The following UPP2 variants were observed in gnomAD, a reference collection of about 807,000 sequenced individuals.
UPP2 encodes uridine phosphorylase 2, also known as UPase 2.
Under a neutral mutation model 26.7 loss-of-function variants are expected in UPP2, and 23 were observed. That is an observed-to-expected ratio of 0.86 (90% CI 0.62 to 1.22). UPP2 has a LOEUF of 1.22. Ranked by LOEUF, UPP2 falls within the 50% of genes most tolerant of loss-of-function variation. The probability of loss-of-function intolerance (pLI) is 0.00; values close to 1 mark genes in which losing one functional copy is unlikely to be tolerated. For missense variants in UPP2, 387 were observed against 396.7 expected (o/e 0.98, Z 0.21); for synonymous variants, 127 against 141.3 (o/e 0.90, Z 0.72).
intron 2 of UPP2, among the ~76,000 whole-genome samples, chr2:157,995,737 A>T (rs975451813): frequency 6.6e-6 from 1 of 152,186 alleles, no homozygotes; most frequent in Non-Finnish European, 1.5e-5. Context: ...ACACAGACTT[A>T]CAAAATAGAA....
intron 2 of UPP2, among the ~76,000 whole-genome samples, chr2:158,014,306 C>T (rs1375015171): frequency 1.3e-5 from 2 of 152,184 alleles, no homozygotes; most frequent in South Asian, 2.1e-4. Context: ...AGCTCATCAG[C>T]GGCTGATTGC....
At chr2:158,123,661 C>A in intron 5 of UPP2, 88 bp from the exon 6 acceptor site, 1 of 1,483,288 alleles carries the variant, frequency 6.7e-7, no homozygotes, top group East Asian at 2.3e-5. Context: ...ACAGCGGCAG[C>A]GTGCTCCAGC....
At chr2:158,069,193 A>G (rs1208968524) in intron 3 of UPP2, among the ~76,000 whole-genome samples, 2 of 152,082 alleles carry the variant, frequency 1.3e-5, no homozygotes, top group African/African-American at 2.4e-5. Context: ...ATGAACTCCT[A>G]TCTTTTAGGA....
intron 2 of UPP2, among the ~76,000 whole-genome samples, chr2:158,002,046 C>T (rs1017009176): frequency 2.0e-4 from 29 of 147,502 alleles, no homozygotes; most frequent in Non-Finnish European, 3.6e-4. Context: ...GCTACGGGGG[C>T]GGGGGCTTCA....
chr2:158,064,606 T>C (rs916123421), intron 3 of UPP2, among the ~76,000 whole-genome samples: 1 of 152,228 alleles, frequency 6.6e-6, no homozygotes, highest in Admixed American at 6.5e-5. Context: ...ATCCCATTTG[T>C]CAATTTTGGC....
At chr2:158,005,222 T>C (rs904514120) in intron 2 of UPP2, among the ~76,000 whole-genome samples, 8 of 152,182 alleles carry the variant, frequency 5.3e-5, no homozygotes, top group Non-Finnish European at 1.2e-4. Context: ...GCACTGACTA[T>C]AATTGTGTTT....
intron 2 of UPP2, among the ~76,000 whole-genome samples, chr2:158,113,661 A>G (rs1683364088): frequency 6.6e-6 from 1 of 152,232 alleles, no homozygotes; most frequent in African/African-American, 2.4e-5. Context: ...ACCACCCAAT[A>G]GTTAGAGTAA....
At chr2:158,065,122 G>A (rs1682414005) in intron 3 of UPP2, among the ~76,000 whole-genome samples, 1 of 152,206 alleles carries the variant, frequency 6.6e-6, no homozygotes, top group Non-Finnish European at 1.5e-5. Context: ...GTTCTGTGGT[G>A]TTCTTGGTCA....
At chr2:158,073,557 A>G (rs1489393120) in intron 3 of UPP2, among the ~76,000 whole-genome samples, 1 of 152,196 alleles carries the variant, frequency 6.6e-6, no homozygotes, top group Non-Finnish European at 1.5e-5. Context: ...CAAACTCCCA[A>G]AGATCAAGGA....
rs10184749 is a variant in UPP2 at position 158,029,591 on chromosome 2, C to G, written c.147+13705C>G. On this transcript the variant is annotated intron_variant, in intron 3 of 9. Coordinates refer to the UPP2 transcript ENST00000605860. The stretch of plus-strand genomic sequence containing the variant: ...TGAATATATTGTCCAAACTGGGACA[C>G]TTTTGAGCATAAAAGAATGCACTAT... 9.0e-3 allele frequency among the ~76,000 whole-genome samples: 1,363 copies of G among 152,238 alleles called. 19 individuals carry two copies. The highest frequency in any genetic ancestry group is 0.031 in the African/African-American group (1,296 of 41,536).
chr2:158,031,694 A>G (rs1213367656), intron 3 of UPP2, among the ~76,000 whole-genome samples: 2 of 152,226 alleles, frequency 1.3e-5, no homozygotes, highest in African/African-American at 2.4e-5. Context: ...ACTTCTTTGT[A>G]TAACTCACTC....
At chr2:158,082,214 T>C (rs1396264896) in intron 3 of UPP2, among the ~76,000 whole-genome samples, 2 of 152,282 alleles carry the variant, frequency 1.3e-5, no homozygotes, top group East Asian at 3.9e-4. Flanking sequence ...CCTCCCAAAG[T>C]GCTGGGATTA....
chr2:158,121,319 T>A, intron 4 of UPP2, 90 bp from the exon 5 acceptor site: 1 of 1,140,650 alleles, frequency 8.8e-7, no homozygotes, highest in South Asian at 1.3e-5. Flanking sequence ...CATTAGCAGC[T>A]AGCATTAATA....
chr2:158,098,941 G>A (rs1244652674), upstream of UPP2, among the ~76,000 whole-genome samples: 1 of 152,032 alleles, frequency 6.6e-6, no homozygotes, highest in Non-Finnish European at 1.5e-5. Context: ...ACTCTTAATA[G>A]CTCCCCTTTT....
At chr2:158,083,385 A>G (rs1682758416) in intron 3 of UPP2, among the ~76,000 whole-genome samples, 1 of 152,170 alleles carries the variant, frequency 6.6e-6, no homozygotes, top group African/African-American at 2.4e-5. Context: ...ATTAAAAAAG[A>G]TGATTTCATG....
At chr2:158,124,793 A>G (rs972247308) in intron 6 of UPP2, among the ~76,000 whole-genome samples, 1 of 152,216 alleles carries the variant, frequency 6.6e-6, no homozygotes, top group South Asian at 2.1e-4. Context: ...TTTATGGTCT[A>G]AACTACTGGA....
At chr2:158,122,228 A>G (rs987302054) in intron 5 of UPP2, among the ~76,000 whole-genome samples, 26 of 151,430 alleles carry the variant, frequency 1.7e-4, no homozygotes, top group Non-Finnish European at 7.4e-5. Flanking sequence ...TCCCAGAAGA[A>G]AGAATCTACA....
At chr2:158,050,804 G>A (rs1221960480) in intron 3 of UPP2, among the ~76,000 whole-genome samples, 1 of 152,156 alleles carries the variant, frequency 6.6e-6, no homozygotes, top group African/African-American at 2.4e-5. Context: ...AACTGAATAT[G>A]AACTATTGAA....
Position 158,134,786 on chromosome 2 carries a change from T to G in UPP2, c.850T>G (p.Cys284Gly). 6.2e-7 allele frequency: 1 copy of G among 1,613,648 alleles called. No homozygotes were observed. The highest frequency in any genetic ancestry group is 8.5e-7 in the Non-Finnish European group (1 of 1,179,722). ...VCVTLLDRLD[C>G]DQINLPHDVL... is the part of the protein sequence containing the mutation. Reference sequence around the variant, plus strand: ...TGTGACACTTCTCGACAGACTCGACTGTGATCAGATCAACTTGCCTCATGA... The same window carrying G: ...TGTGACACTTCTCGACAGACTCGACGGTGATCAGATCAACTTGCCTCATGA... Residue 284 changes from cysteine (C) to glycine (G), a missense_variant, in exon 7 of 7, where the codon TGT becomes GGT. Transcript: ENST00000005756.
Sources: gnomAD v4.1 joint callset for allele counts (sites outside exome capture counted in the v4.1 genomes callset) on GRCh38, gnomAD v4.1.1 for gene constraint, MANE v1.5 for transcripts, NCBI Gene and HGNC (gene_info 2026-07-23, HGNC 2026-07-21) for gene names.